The following SYNE1 variants were observed in gnomAD, a reference collection of about 807,000 sequenced individuals.
SYNE1 encodes spectrin repeat containing nuclear envelope protein 1.
SYNE1 carries 616 observed loss-of-function variants against 1,111.0 expected under a neutral mutation model. The ratio of observed to expected loss-of-function variants is 0.55; its 90% confidence interval spans 0.52 to 0.59. The LOEUF is 0.59. Ranked by LOEUF, SYNE1 falls within the 20% of genes least tolerant of loss-of-function variation. The pLI is 0.00. For missense variants in SYNE1, 10,006 were observed against 10,417.0 expected, an observed-to-expected ratio of 0.96 and a Z score of 1.72; for synonymous variants, 3,855 against 3,825.8, an observed-to-expected ratio of 1.01 and a Z score of -0.28.
At chr6:152,304,426 C>T (rs1372904825) in intron 91 of SYNE1, among the ~76,000 whole-genome samples, 3 of 152,166 alleles carry the variant, frequency 2.0e-5, no homozygotes, top group South Asian at 2.1e-4. Flanking sequence ...CCTCCATCTC[C>T]GGGGTTCAAG....
At chr6:152,336,337 G>C (rs1370819151) in intron 76 of SYNE1, 1 of 193,122 alleles carries the variant, frequency 5.2e-6, no homozygotes, top group African/African-American at 2.4e-5. Flanking sequence ...GTTTTCCCTG[G>C]CACCAAATGA....
intron 29 of SYNE1, among the ~76,000 whole-genome samples, chr6:152,446,939 G>A (rs570861007): frequency 1.3e-5 from 2 of 152,258 alleles, no homozygotes; most frequent in Non-Finnish European, 2.9e-5. Flanking sequence ...CATTTACTCT[G>A]TTTCAGGAAC....
At chr6:152,322,112 A>G (rs1244447605) in intron 82 of SYNE1, among the ~76,000 whole-genome samples, 2 of 152,242 alleles carry the variant, frequency 1.3e-5, no homozygotes, top group Non-Finnish European at 2.9e-5. Flanking sequence ...CTCACATGCC[A>G]CTAAATTGCA....
chr6:152,333,929 G>A (rs2096313182), intron 77 of SYNE1, 79 bp downstream of exon 77: 1 of 1,593,298 alleles, frequency 6.3e-7, no homozygotes, highest in Admixed American at 1.7e-5. Context: ...CACTGCACCT[G>A]GGCACATTTT....
chr6:152,311,440 G>T (rs2095543197), intron 87 of SYNE1, among the ~76,000 whole-genome samples: 1 of 152,156 alleles, frequency 6.6e-6, no homozygotes, highest in African/African-American at 2.4e-5. Flanking sequence ...CATTCAGAGT[G>T]GTATCATCTA....
rs2098919614 is a variant in SYNE1, at chr6:152,483,335, A to G, written c.1186-86T>C. On this transcript the variant is annotated intron_variant, in intron 13 of 145. Coordinates refer to ENST00000367255, the MANE Select transcript of SYNE1 (RefSeq NM_182961.4). Reference sequence around the variant, plus strand: ...GCACCCAAATAATAGTAAAGCATACATAAAGCTTTAAGTTAATGATTTCAG... The same window carrying G: ...GCACCCAAATAATAGTAAAGCATACGTAAAGCTTTAAGTTAATGATTTCAG... The G allele has an allele frequency of 2.6e-5, 29 of 1,131,326 alleles. No individual in the cohort carries two copies. The South Asian group carries it at 3.6e-4, about 14-fold the overall frequency. 70.1% of individuals were successfully genotyped at this position (1,131,326 alleles called of 1,614,324 possible).
intron 11 of SYNE1, among the ~76,000 whole-genome samples, chr6:152,492,441 TGG>T (rs1171542124): frequency 2.6e-5 from 4 of 152,208 alleles, no homozygotes. Flanking sequence ...TAAACCACAG[TGG>T]CCAGGCATTC....
chr6:152,373,541 A>G (rs932516108), intron 58 of SYNE1, among the ~76,000 whole-genome samples: 1 of 152,136 alleles, frequency 6.6e-6, no homozygotes, highest in South Asian at 2.1e-4. Context: ...TGGCATCCCA[A>G]AGTGCTGGGA....
chr6:152,376,295 G>C, intron 58 of SYNE1, 86 bp downstream of exon 58: 1 of 1,471,438 alleles, frequency 6.8e-7, no homozygotes. Flanking sequence ...ACCAGTCCGC[G>C]GCCCAGGAGA....
rs2099093641 is a variant in SYNE1, at chr6:152,513,094, G to T, written c.310-1991C>A. On this transcript the variant is annotated intron_variant, in intron 6 of 145. Coordinates refer to ENST00000367255, the MANE Select transcript of SYNE1 (RefSeq NM_182961.4). ...AACTAAGGAAGTGAGCCTCTGGAAAGTGTCTTAAAACCTTCAGGTGATTCT... is the reference window on the plus strand; with the variant it reads ...AACTAAGGAAGTGAGCCTCTGGAAATTGTCTTAAAACCTTCAGGTGATTCT... Among the ~76,000 whole-genome samples, 3 of 152,174 alleles carry T rather than the reference G, an allele frequency of 2.0e-5. No homozygotes were observed. In the South Asian group the frequency reaches 6.2e-4, roughly 32 times the overall value.
chr6:152,132,912 T>C (rs2056188916), intron 143 of SYNE1, among the ~76,000 whole-genome samples: 1 of 151,770 alleles, frequency 6.6e-6, no homozygotes. Flanking sequence ...GGAGAATTCA[T>C]GCCTGAGAGT....
chr6:152,211,768 T>C (rs762743304), intron 123 of SYNE1, among the ~76,000 whole-genome samples, 180 bp from the exon 124 acceptor site: 1 of 152,178 alleles, frequency 6.6e-6, no homozygotes, highest in Non-Finnish European at 1.5e-5. Flanking sequence ...TCAATTAAGA[T>C]ACACTCAAAG....
chr6:152,363,442 C>G (rs775354104), intron 63 of SYNE1, among the ~76,000 whole-genome samples: 13 of 150,422 alleles, frequency 8.6e-5, no homozygotes, highest in Non-Finnish European at 1.9e-4. Flanking sequence ...CGCAGTGAGC[C>G]GAGATCGTGC....
At chr6:152,208,973 TA>T (rs991454938) in intron 124 of SYNE1, among the ~76,000 whole-genome samples, 4 of 151,956 alleles carry the variant, frequency 2.6e-5, no homozygotes, top group African/African-American at 9.7e-5. Context: ...TTTCTGGCTT[TA>T]AAAAAATATA....
At position 152,450,752 on chromosome 6, in the gene SYNE1, C is replaced by T; in HGVS notation, c.3268G>A (p.Val1090Met). The change falls in exon 27 of 146, where the codon GTG becomes ATG. Residue 1090 changes from valine (V) to methionine (M), a missense_variant. Around this residue, in one of 7 missense-constraint regions of SYNE1, gnomAD observed 1,971 missense variants for 2,084.1 expected, o/e 0.95. Transcript: ENST00000367255. ...GGTGTGTCCCTTACTGGGTCCCGCA[C>T]TGGGAGTTTCACACAGAGTTCCTCG... is the stretch of plus-strand genomic sequence containing the variant. ...LIEELCVKLPVRDPVRDTPGT... is the reference protein window; with the variant it reads ...LIEELCVKLPMRDPVRDTPGT... 6.2e-7 allele frequency: 1 copy of T among 1,614,108 alleles called. No individual in the cohort carries two copies. The highest frequency in any genetic ancestry group is 1.1e-5 in the South Asian group (1 of 91,076).
At chr6:152,222,381 C>T (rs1236058980) in intron 117 of SYNE1, among the ~76,000 whole-genome samples, 2 of 152,202 alleles carry the variant, frequency 1.3e-5, no homozygotes, top group South Asian at 2.1e-4. Context: ...ATCTCTTTGA[C>T]ACTCAAAGCC....
At chr6:152,167,680 A>G (rs922524839) in intron 130 of SYNE1, 4 of 474,402 alleles carry the variant, frequency 8.4e-6, no homozygotes, top group Non-Finnish European at 1.7e-5. Context: ...GTTTTATTTC[A>G]TGAAAGGAAA....
intron 20 of SYNE1, among the ~76,000 whole-genome samples, chr6:152,462,307 C>T (rs1198891876): frequency 1.3e-5 from 2 of 152,016 alleles, no homozygotes; most frequent in Non-Finnish European, 2.9e-5. Flanking sequence ...TTGCTTTTCT[C>T]ATGTAACAAT....
At chr6:152,365,055 T>C (rs949866142) in intron 62 of SYNE1, 36 bp from the exon 63 acceptor site, 34 of 1,612,052 alleles carry the variant, frequency 2.1e-5, no homozygotes, top group Admixed American at 1.3e-4. Flanking sequence ...TTGTCATTTG[T>C]ATGTTTAACA....
Sources: allele counts gnomAD v4.1 joint callset (sites outside exome capture counted in the v4.1 genomes callset), GRCh38; gene constraint gnomAD v4.1.1; regional missense constraint gnomAD v4.1.1; transcripts MANE v1.5; gene names NCBI Gene and HGNC (gene_info 2026-07-23, HGNC 2026-07-21).